Variants in ZFHX3 observed in about 807,000 individuals in gnomAD.
ZFHX3 encodes zinc finger homeobox 3.
A neutral mutation model predicts 279.1 loss-of-function variants in ZFHX3; 42 were observed. The observed-to-expected ratio is 0.15, with a 90% CI of 0.12 to 0.19. ZFHX3 has a LOEUF of 0.19. Ranked by LOEUF, ZFHX3 falls within the 10% of genes least tolerant of loss-of-function variation. The pLI, the probability that ZFHX3 is intolerant of heterozygous loss-of-function variation, is 1.00. For missense variants in ZFHX3, 4,981 were observed against 4,754.0 expected, an observed-to-expected ratio of 1.05 and a Z score of -1.40; for synonymous variants, 2,293 against 1,957.8, an observed-to-expected ratio of 1.17 and a Z score of -4.52.
chr16:73,361,022 T>G (rs2016425300), intron 3 of ZFHX3, among the ~76,000 whole-genome samples: 3 of 152,040 alleles, frequency 2.0e-5, no homozygotes, highest in Admixed American at 2.0e-4. Flanking sequence ...AATAAGGAAA[T>G]GGGGGCACTT....
At chr16:73,821,845 C>A (rs1960751088) in intron 1 of ZFHX3, among the ~76,000 whole-genome samples, 1 of 152,220 alleles carries the variant, frequency 6.6e-6, no homozygotes, top group African/African-American at 2.4e-5. Flanking sequence ...AATGCACTTA[C>A]ATGGGCTGAC....
intron 2 of ZFHX3, among the ~76,000 whole-genome samples, chr16:73,630,226 C>G (rs2052455144): frequency 6.6e-6 from 1 of 152,130 alleles, no homozygotes; most frequent in Non-Finnish European, 1.5e-5. Context: ...TAAAGACAAA[C>G]AAACATCTCC....
chr16:73,691,501 A>G (rs533187694), intron 1 of ZFHX3, among the ~76,000 whole-genome samples: 7 of 152,324 alleles, frequency 4.6e-5, no homozygotes, highest in Non-Finnish European at 1.0e-4. Flanking sequence ...TGGCTCTACC[A>G]TGTTTATAGC....
chr16:73,734,369 G>T (rs1295177810), intron 1 of ZFHX3, among the ~76,000 whole-genome samples: 2 of 152,150 alleles, frequency 1.3e-5, no homozygotes, highest in Non-Finnish European at 2.9e-5. Flanking sequence ...AATTGAGAAA[G>T]CCTATGATTT....
chr16:73,630,727 G>A (rs1183877444), intron 2 of ZFHX3, among the ~76,000 whole-genome samples: 1 of 152,226 alleles, frequency 6.6e-6, no homozygotes, highest in Non-Finnish European at 1.5e-5. Context: ...TAAACTGGCA[G>A]AGAAAGAAGC....
chr16:73,460,118 C>T (rs988171797), intron 2 of ZFHX3, among the ~76,000 whole-genome samples: 3 of 152,210 alleles, frequency 2.0e-5, no homozygotes, highest in Non-Finnish European at 4.4e-5. Flanking sequence ...CCCTTCCCTC[C>T]CATTCCCACT....
chr16:73,093,194 G>A (rs748998823), intron 8 of ZFHX3: 7 of 519,848 alleles, frequency 1.3e-5, no homozygotes, highest in Middle Eastern at 3.2e-4. Context: ...AACTCTGGAC[G>A]ACCACGCGCA....
rs111363513 is a variant in ZFHX3 at position 72,975,461 on chromosome 16, C to T, written c.-49-15267G>A. Among the ~76,000 whole-genome samples, 189 of 152,068 alleles carry T rather than the reference C, an allele frequency of 1.2e-3. 1 individual carries two copies. Among genetic ancestry groups the T allele is most frequent in the African/African-American group, 4.5e-3 (187 of 41,486 alleles). ...GTCTCAAACAAAATAAAATACAATA[C>T]AATCAGGAGAGAGGGGTGTACAGGG... On this transcript the variant is annotated intron_variant, in intron 1 of 9. Transcript: ENST00000268489.
At chr16:73,342,023 A>G (rs187077639) in intron 3 of ZFHX3, among the ~76,000 whole-genome samples, 272 of 152,352 alleles carry the variant, frequency 1.8e-3, no homozygotes, top group South Asian at 4.1e-3. Context: ...TGAATATACT[A>G]TAATTCACTC....
chr16:72,950,642 C>G lies in ZFHX3; in HGVS notation c.3043G>C (p.Val1015Leu), dbSNP rs781076704. The G allele has an allele frequency of 6.2e-7, 1 of 1,614,216 alleles. No homozygotes were observed. Among genetic ancestry groups the G allele is most frequent in the South Asian group, 1.1e-5 (1 of 91,086 alleles). The change falls in exon 3 of 10, where the codon GTG becomes CTG. Residue 1015 changes from valine to leucine, a missense_variant. Physicochemically the swap from Val to Leu is conservative, Grantham distance 32 (BLOSUM62 1). This residue lies in a region of ZFHX3 where 1,751 missense variants were observed against 1,770.0 expected (regional missense o/e 0.99). Transcript: ENST00000268489. ...TDKHVQKYQLVAHIKEGGKAN... is the reference protein window; with the variant it reads ...TDKHVQKYQLLAHIKEGGKAN... ...TTGCCGCCCTCCTTGATGTGGGCCA[C>G]CAGCTGGTACTTCTGCACGTGCTTG...
chr16:72,928,424 G>C (rs34129821), intron 3 of ZFHX3, among the ~76,000 whole-genome samples: 44,592 of 151,526 alleles, frequency 0.29, 6,931 homozygotes, highest in African/African-American at 0.36. Flanking sequence ...ATGCAAAAGC[G>C]CCCCCACCAC....
At chr16:72,917,123 C>T (rs761704483) in intron 3 of ZFHX3, among the ~76,000 whole-genome samples, 1 of 152,136 alleles carries the variant, frequency 6.6e-6, no homozygotes, top group Non-Finnish European at 1.5e-5. Flanking sequence ...CGCCTATAGT[C>T]CTGGCTATTC....
intron 1 of ZFHX3, among the ~76,000 whole-genome samples, chr16:73,781,305 A>C (rs1164504500): frequency 1.3e-5 from 2 of 152,182 alleles, no homozygotes; most frequent in African/African-American, 4.8e-5. Context: ...ACCCCCAAAG[A>C]TTGTGATTAA....
chr16:73,854,321 T>C (rs1961663317), intron 1 of ZFHX3, among the ~76,000 whole-genome samples: 1 of 150,470 alleles, frequency 6.6e-6, no homozygotes, highest in African/African-American at 2.5e-5. Context: ...AGGTCAGGAG[T>C]TCAAGACAAG....
At chr16:73,121,575 T>G (rs779764490) in intron 7 of ZFHX3, among the ~76,000 whole-genome samples, 29 of 152,112 alleles carry the variant, frequency 1.9e-4, no homozygotes, top group Non-Finnish European at 4.0e-4. Context: ...GATATGTTCT[T>G]ACATAGGACT....
chr16:72,815,324 C>T (rs1157281931), intron 5 of ZFHX3, among the ~76,000 whole-genome samples: 1 of 151,906 alleles, frequency 6.6e-6, no homozygotes, highest in East Asian at 1.9e-4. Context: ...GGGAGTATCA[C>T]CTGAGCCTGG....
At chr16:73,105,408 T>C (rs77897306) in intron 7 of ZFHX3, among the ~76,000 whole-genome samples, 5,084 of 82,678 alleles carry the variant, frequency 0.061, 329 homozygotes, top group Admixed American at 0.12. Flanking sequence ...TATATATATA[T>C]ACACACACAC....
intron 1 of ZFHX3, among the ~76,000 whole-genome samples, chr16:73,782,948 T>C (rs756765055): frequency 6.6e-5 from 10 of 152,248 alleles, no homozygotes; most frequent in South Asian, 4.1e-4. Context: ...ACTAACTCAA[T>C]AGGTGAAAAC....
chr16:73,290,115 A>G (rs918857160), intron 4 of ZFHX3, among the ~76,000 whole-genome samples: 20 of 152,184 alleles, frequency 1.3e-4, no homozygotes, highest in African/African-American at 4.8e-4. Context: ...GGTTTCAAAC[A>G]GTATTCATTG....
Sources: allele counts gnomAD v4.1 joint callset (sites outside exome capture counted in the v4.1 genomes callset), GRCh38; gene constraint gnomAD v4.1.1; regional missense constraint gnomAD v4.1.1; transcripts MANE v1.5; gene names NCBI Gene and HGNC (gene_info 2026-07-23, HGNC 2026-07-21).